HNF4G: variants seen among roughly 807,000 people sequenced by gnomAD.
HNF4G encodes hepatocyte nuclear factor 4-gamma.
A neutral mutation model predicts 50.9 loss-of-function variants in HNF4G; 21 were observed. That is an observed-to-expected ratio of 0.41 (90% CI 0.29 to 0.59). HNF4G has a LOEUF of 0.59. Ranked by LOEUF, HNF4G falls within the 20% of genes least tolerant of loss-of-function variation. The pLI, the probability that HNF4G is intolerant of heterozygous loss-of-function variation, is 0.26. For synonymous variants in HNF4G, 198 were observed against 185.6 expected (o/e 1.07, Z -0.54); for missense variants, 527 against 559.4 (o/e 0.94, Z 0.58).
intron 3 of HNF4G, among the ~76,000 whole-genome samples, chr8:75,549,864 G>GT (rs1390798271): frequency 2.0e-5 from 3 of 151,806 alleles, no homozygotes; most frequent in African/African-American, 7.3e-5. Context: ...GTGATGTTTG[G>GT]TTTTTTGTCC....
At chr8:75,488,223 T>C (rs993772856) in intron 1 of HNF4G, among the ~76,000 whole-genome samples, 2 of 152,156 alleles carry the variant, frequency 1.3e-5, no homozygotes, top group Admixed American at 6.5e-5. Flanking sequence ...GAAATCACTG[T>C]TGTTAAATGT....
chr8:75,480,843 C>T (rs946682152), intron 1 of HNF4G, among the ~76,000 whole-genome samples: 3 of 151,578 alleles, frequency 2.0e-5, no homozygotes, highest in Non-Finnish European at 4.4e-5. Context: ...CCCGAGTAAC[C>T]GGGACTACAT....
intron 2 of HNF4G, among the ~76,000 whole-genome samples, chr8:75,503,429 A>G (rs1021968860): frequency 1.8e-4 from 27 of 152,212 alleles, no homozygotes; most frequent in African/African-American, 5.3e-4. Context: ...TGATAGTTCA[A>G]GAGAGTTGGG....
At chr8:75,539,854 G>GTTACAGTTAACTTTGGATTAGCAC, upstream of HNF4G, 1 of 630,712 alleles carries the variant, frequency 1.6e-6, no homozygotes, top group East Asian at 2.8e-5. Context: ...AAGTCACTCA[G>GTTACAGTTAACTTTGGATTAGCAC]TTACAGTTAA....
intron 1 of HNF4G, among the ~76,000 whole-genome samples, chr8:75,543,179 C>A (rs972663513): frequency 2.6e-5 from 4 of 152,080 alleles, no homozygotes; most frequent in African/African-American, 9.7e-5. Flanking sequence ...TACTCTCTAG[C>A]CTGAGCAACA....
chr8:75,517,228 T>C (rs1805913224), intron 2 of HNF4G, among the ~76,000 whole-genome samples: 2 of 152,198 alleles, frequency 1.3e-5, no homozygotes, highest in Admixed American at 6.5e-5. Flanking sequence ...TATTTTAAGA[T>C]GAAATTTTGG....
At chr8:75,501,267 G>A (rs926191165) in intron 2 of HNF4G, among the ~76,000 whole-genome samples, 5 of 151,834 alleles carry the variant, frequency 3.3e-5, no homozygotes, top group South Asian at 4.2e-4. Flanking sequence ...TAGGGAGATC[G>A]TATCTCTACA....
At chr8:75,548,653 G>A (rs577591156) in intron 3 of HNF4G, among the ~76,000 whole-genome samples, 130 of 152,274 alleles carry the variant, frequency 8.5e-4, no homozygotes, top group Non-Finnish European at 8.1e-4. Flanking sequence ...GTGACAGTGT[G>A]TAACAGCTAC....
At chr8:75,498,284 T>G (rs1282238935) in intron 2 of HNF4G, among the ~76,000 whole-genome samples, 1 of 152,100 alleles carries the variant, frequency 6.6e-6, no homozygotes, top group Non-Finnish European at 1.5e-5. Context: ...ACAGTAAAGT[T>G]TCATAACAAA....
chr8:75,432,539 G>A lies in HNF4G; in HGVS notation c.-144+24377G>A, dbSNP rs548603232. ...TGGTCTCAAACTGCTGATCTCAGGTGATCTGCCCGCCTCTGCCTCCCAAAG... is the reference window on the plus strand; with the variant it reads ...TGGTCTCAAACTGCTGATCTCAGGTAATCTGCCCGCCTCTGCCTCCCAAAG... On this transcript the variant is annotated intron_variant, in intron 1 of 10. Transcript: ENST00000354370. Among the ~76,000 whole-genome samples, 78 of 152,240 alleles carry A rather than the reference G, an allele frequency of 5.1e-4. No individual in the cohort carries two copies. The South Asian group carries it at 7.9e-3, about 15-fold the overall frequency.
chr8:75,432,405 C>T (rs1322832556), intron 1 of HNF4G, among the ~76,000 whole-genome samples: 1 of 152,106 alleles, frequency 6.6e-6, no homozygotes, highest in Non-Finnish European at 1.5e-5. Context: ...CAACCTCCAC[C>T]TCCTGGGTTC....
chr8:75,540,109 A>G, intron 1 of HNF4G, 29 bp downstream of exon 1: 1 of 1,238,750 alleles, frequency 8.1e-7, no homozygotes, highest in Non-Finnish European at 1.2e-6. Context: ...ATAGATGTAA[A>G]GAAAAGTAAG....
At chr8:75,408,057 CGGCTGAAGGAGG>C (rs1307275435) in exon 1 of HNF4G, 1 of 152,112 alleles carries the variant, frequency 6.6e-6, no homozygotes, top group Non-Finnish European at 1.5e-5. Flanking sequence ...TCCCCTCGGG[CGGCTGAAGGAGG>C]GGCTGAGCCT....
intron 2 of HNF4G, among the ~76,000 whole-genome samples, chr8:75,522,382 A>G (rs1356049276): frequency 3.9e-5 from 6 of 152,210 alleles, no homozygotes; most frequent in African/African-American, 1.4e-4. Flanking sequence ...ATAATTCTCA[A>G]AAGGCTCAAT....
intron 1 of HNF4G, among the ~76,000 whole-genome samples, chr8:75,411,785 A>G (rs1183736349): frequency 3.9e-5 from 6 of 152,176 alleles, no homozygotes; most frequent in Non-Finnish European, 8.8e-5. Flanking sequence ...TATTCACTAA[A>G]TGGGAAGGGA....
chr8:75,484,448 A>G (rs988743432), intron 1 of HNF4G, among the ~76,000 whole-genome samples: 1 of 152,174 alleles, frequency 6.6e-6, no homozygotes, highest in East Asian at 1.9e-4. Context: ...GCTTCTGCCC[A>G]TCTCAAGGGC....
intron 1 of HNF4G, among the ~76,000 whole-genome samples, chr8:75,540,645 G>A (rs531606804): frequency 4.5e-4 from 69 of 152,116 alleles, no homozygotes; most frequent in African/African-American, 1.5e-3. Context: ...ATGTTTAGCC[G>A]CACAAAGCTG....
intron 1 of HNF4G, among the ~76,000 whole-genome samples, chr8:75,434,711 C>A (rs2130529140): frequency 6.6e-6 from 1 of 151,350 alleles, no homozygotes; most frequent in African/African-American, 2.4e-5. Context: ...CACACATACA[C>A]AAATCAGGTA....
chr8:75,425,542 C>A (rs1422588055), intron 1 of HNF4G, among the ~76,000 whole-genome samples: 1 of 147,386 alleles, frequency 6.8e-6, no homozygotes, highest in African/African-American at 2.5e-5. Context: ...ATCATACACA[C>A]AAATTTTTAC....
Sources: gnomAD v4.1 joint callset for allele counts (sites outside exome capture counted in the v4.1 genomes callset) on GRCh38, gnomAD v4.1.1 for gene constraint, MANE v1.5 for transcripts, NCBI Gene and HGNC (gene_info 2026-07-23, HGNC 2026-07-21) for gene names.